Variants in EXOC2 observed in about 807,000 individuals in gnomAD.
The protein encoded by EXOC2 is exocyst complex component 2.
EXOC2 carries 70 observed loss-of-function variants against 131.8 expected under a neutral mutation model. That is an observed-to-expected ratio of 0.53 (90% CI 0.44 to 0.65). The LOEUF is 0.65. EXOC2 is among the 30% of genes least tolerant of loss of function. The pLI, the probability that EXOC2 is intolerant of heterozygous loss-of-function variation, is 0.00. For synonymous variants in EXOC2, 411 were observed against 398.4 expected, an observed-to-expected ratio of 1.03 and a Z score of -0.38; for missense variants, 923 against 1,108.6, an observed-to-expected ratio of 0.83 and a Z score of 2.38.
chr6:629,207 A>G (rs185886000), intron 4 of EXOC2, among the ~76,000 whole-genome samples: 181 of 152,354 alleles, frequency 1.2e-3, no homozygotes, highest in African/African-American at 4.2e-3. Flanking sequence ...ACAATTCCAT[A>G]AGCAGAAGCA....
intron 23 of EXOC2, among the ~76,000 whole-genome samples, chr6:508,050 T>C (rs1331333939): frequency 6.6e-6 from 1 of 152,208 alleles, no homozygotes; most frequent in Non-Finnish European, 1.5e-5. Context: ...GAATATATTT[T>C]TTTCCTAAAA....
intron 1 of EXOC2, among the ~76,000 whole-genome samples, chr6:643,634 G>T (rs1258823230): frequency 6.6e-6 from 1 of 151,330 alleles, no homozygotes; most frequent in Admixed American, 6.6e-5. Flanking sequence ...AAAAATAAGG[G>T]CTAAATAAAC....
At chr6:649,302 T>C (rs1024027284) in intron 1 of EXOC2, among the ~76,000 whole-genome samples, 2 of 152,250 alleles carry the variant, frequency 1.3e-5, no homozygotes, top group Non-Finnish European at 2.9e-5. Context: ...TTAGGTCAGA[T>C]TCTGGTACAA....
intron 26 of EXOC2, 95 bp downstream of exon 26, chr6:491,030 T>C: frequency 3.2e-6 from 4 of 1,263,674 alleles, no homozygotes; most frequent in Non-Finnish European, 4.6e-6. Flanking sequence ...CATGAGCATG[T>C]GCTCTGATCA....
At chr6:496,665 T>C (rs1324773360) in intron 25 of EXOC2, among the ~76,000 whole-genome samples, 2 of 152,212 alleles carry the variant, frequency 1.3e-5, no homozygotes, top group African/African-American at 2.4e-5. Context: ...CTCTAGAATC[T>C]GCCCACCAAT....
In EXOC2 at chr6:629,930, A is replaced by C; in HGVS notation, c.327T>G (p.Asp109Glu). Residue 109 changes from aspartate (D) to glutamate (E), a missense_variant, in exon 4 of 28, where the codon GAT becomes GAG. Transcript: ENST00000230449. ...TGCGCATATCATAATAATTCATTTC[A>C]TCAACCCACACAGCAGACTGATCCA... ...GILDQSAVWVDEMNYYDMRTD... is the reference protein window; with the variant it reads ...GILDQSAVWVEEMNYYDMRTD... 6 of 1,614,080 alleles carry C rather than the reference A, an allele frequency of 3.7e-6. No individual in the cohort carries two copies. The highest frequency in any genetic ancestry group is 1.1e-5 in the South Asian group (1 of 91,068).
chr6:620,912 G>T (rs1328218366), intron 4 of EXOC2, among the ~76,000 whole-genome samples: 1 of 152,156 alleles, frequency 6.6e-6, no homozygotes, highest in East Asian at 1.9e-4. Context: ...CTCTCTGCCT[G>T]CCAGGTATTC....
chr6:562,742 A>T (rs1222219757), intron 17 of EXOC2, 42 bp downstream of exon 17: 1 of 1,352,566 alleles, frequency 7.4e-7, no homozygotes, highest in Non-Finnish European at 1.0e-6. Context: ...TTTATTTTAA[A>T]TACACACTAA....
intron 9 of EXOC2, 83 bp from the exon 10 acceptor site, chr6:598,206 T>C: frequency 8.8e-7 from 1 of 1,142,828 alleles, no homozygotes. Flanking sequence ...GTAGTTGCTT[T>C]TGTGGGGTGA....
At chr6:541,110 C>A (rs906376844) in intron 22 of EXOC2, among the ~76,000 whole-genome samples, 6 of 152,094 alleles carry the variant, frequency 3.9e-5, no homozygotes, top group Non-Finnish European at 8.8e-5. Context: ...CCTCAGCAAA[C>A]CTAAAAACAT....
At chr6:595,902 A>G (rs1431208713) in intron 10 of EXOC2, among the ~76,000 whole-genome samples, 1 of 152,084 alleles carries the variant, frequency 6.6e-6, no homozygotes, top group East Asian at 1.9e-4. Flanking sequence ...CCAGCTTTAC[A>G]TTTCTAGGAT....
intron 1 of EXOC2, among the ~76,000 whole-genome samples, chr6:671,531 C>G (rs1763870868): frequency 6.6e-6 from 1 of 152,102 alleles, no homozygotes; most frequent in Admixed American, 6.6e-5. Flanking sequence ...TAAAATTCAT[C>G]CTTGAATTTT....
intron 4 of EXOC2, among the ~76,000 whole-genome samples, chr6:623,293 C>T (rs1197417975): frequency 1.3e-5 from 2 of 152,226 alleles, no homozygotes; most frequent in African/African-American, 2.4e-5. Context: ...TACCCGGATG[C>T]GTCGTTCCTT....
intron 17 of EXOC2, among the ~76,000 whole-genome samples, chr6:560,675 G>A (rs1331135228): frequency 6.6e-6 from 1 of 151,830 alleles, no homozygotes; most frequent in Non-Finnish European, 1.5e-5. Flanking sequence ...AAATAATTGT[G>A]ACGAATAGAA....
intron 1 of EXOC2, among the ~76,000 whole-genome samples, chr6:685,953 T>C (rs1222672998): frequency 1.5e-5 from 2 of 137,670 alleles, no homozygotes; most frequent in African/African-American, 2.7e-5. Context: ...AATGTATTAA[T>C]GTATCCTGCT....
intron 1 of EXOC2, among the ~76,000 whole-genome samples, chr6:683,184 T>C (rs1764491298): frequency 6.6e-6 from 1 of 152,160 alleles, no homozygotes; most frequent in African/African-American, 2.4e-5. Context: ...TTTCTAATCC[T>C]TGACAAACAT....
At position 584,223 on chromosome 6, in the gene EXOC2, T is replaced by C. The variant is rs113620085; in HGVS notation, c.1193-7341A>G. ...TTTCCTAATGGGGGCTGTAATTTAA[T>C]CTCGCATACAGGAAGTCTACCTGAC... On this transcript the variant is annotated intron_variant, in intron 11 of 27. Transcript: ENST00000230449. Among the ~76,000 whole-genome samples the C allele has an allele frequency of 8.4e-3, 1,279 of 152,304 alleles. 19 individuals are homozygous for C. The highest frequency in any genetic ancestry group is 0.026 in the African/African-American group (1,070 of 41,558).
In EXOC2 at chr6:672,785, T is replaced by C. The variant is rs12333169; in HGVS notation, c.-44+20234A>G. 1.7e-3 allele frequency among the ~76,000 whole-genome samples: 256 copies of C among 152,348 alleles called. 1 individual carries two copies. Among genetic ancestry groups the C allele is most frequent in the African/African-American group, 6.1e-3 (252 of 41,578 alleles). Reference sequence around the variant, plus strand: ...TTTAGCTTTTTCCTTATTGTGAGGATTCGAGTGGTGACTTCCAAGCTCCTA... The same window carrying C: ...TTTAGCTTTTTCCTTATTGTGAGGACTCGAGTGGTGACTTCCAAGCTCCTA... On this transcript the variant is annotated intron_variant, in intron 1 of 27. Coordinates refer to ENST00000230449, the MANE Select transcript of EXOC2 (RefSeq NM_018303.6).
chr6:682,839 T>C (rs1032294397), intron 1 of EXOC2, among the ~76,000 whole-genome samples: 2 of 152,224 alleles, frequency 1.3e-5, no homozygotes, highest in African/African-American at 4.8e-5. Context: ...ATAACTGTGC[T>C]TCAGAATTCC....
Sources: gnomAD v4.1 joint callset for allele counts (sites outside exome capture counted in the v4.1 genomes callset) on GRCh38, gnomAD v4.1.1 for gene constraint, MANE v1.5 for transcripts, NCBI Gene and HGNC (gene_info 2026-07-23, HGNC 2026-07-21) for gene names.